The following POC1B variants were observed in gnomAD, a reference collection of about 807,000 sequenced individuals.
POC1B encodes the protein POC1 centriolar protein B, also known as POC1 centriolar protein homolog B.
A neutral mutation model predicts 60.6 loss-of-function variants in POC1B; 44 were observed. The ratio of observed to expected loss-of-function variants is 0.73; its 90% CI spans 0.57 to 0.93. The LOEUF (loss-of-function observed/expected upper bound fraction) is 0.93, where lower values mean the gene tolerates loss of function less well. POC1B is among the 40% of genes least tolerant of loss of function. The pLI, the probability that POC1B is intolerant of heterozygous loss-of-function variation, is 0.00. For missense variants in POC1B, 555 were observed against 572.3 expected, an observed-to-expected ratio of 0.97 and a Z score of 0.31; for synonymous variants, 180 against 198.9, an observed-to-expected ratio of 0.90 and a Z score of 0.80.
intron 10 of POC1B, among the ~76,000 whole-genome samples, chr12:89,437,319 C>T (rs1362797554): frequency 6.6e-6 from 1 of 152,122 alleles, no homozygotes; most frequent in Non-Finnish European, 1.5e-5. Context: ...AATCCAAATA[C>T]CTCCAAAAAC....
rs566609202 is a variant in POC1B at position 89,506,798 on chromosome 12, G to T, written c.101-9456C>A. Reference sequence around the variant, plus strand: ...TGGGCCCAAGAGAGAGGAGGTTCCAGCGGGGCTTCCTGGGTCGAGTAGGGG... The same window carrying T: ...TGGGCCCAAGAGAGAGGAGGTTCCATCGGGGCTTCCTGGGTCGAGTAGGGG... On this transcript the variant is annotated intron_variant, in intron 2 of 11. Transcript: ENST00000313546. Among the ~76,000 whole-genome samples, 6 of 152,282 alleles carry T rather than the reference G, an allele frequency of 3.9e-5. No homozygotes were observed. The South Asian group carries it at 1.2e-3, about 32-fold the overall frequency.
intron 10 of POC1B, among the ~76,000 whole-genome samples, chr12:89,457,179 A>G (rs1009543669): frequency 6.6e-6 from 1 of 152,192 alleles, no homozygotes; most frequent in South Asian, 2.1e-4. Context: ...ATTGAATGCA[A>G]TTGTGCTTCA....
the POC1B span, among the ~76,000 whole-genome samples, chr12:89,404,793 C>G: frequency 6.6e-6 from 1 of 152,166 alleles, no homozygotes; most frequent in Non-Finnish European, 1.5e-5. Context: ...GTCCCTAATC[C>G]AGGAACCCAC....
chr12:89,524,854 C>G, intron 2 of POC1B: 1 of 623,372 alleles, frequency 1.6e-6, no homozygotes, highest in Non-Finnish European at 2.8e-6. Flanking sequence ...TTCCCACTCA[C>G]TCCTCCTGGT....
At chr12:89,408,050 T>G in the POC1B span, among the ~76,000 whole-genome samples, 210 of 152,288 alleles carry the variant, frequency 1.4e-3, no homozygotes, top group African/African-American at 4.8e-3. Context: ...AGTGAGAACA[T>G]GCGGTGTTTG....
Position 89,497,212 on chromosome 12 carries a change from A to G in POC1B, c.231T>C (p.Ser77=), listed in dbSNP as rs1345385533. 1 of 1,613,894 alleles carries G rather than the reference A, an allele frequency of 6.2e-7. No homozygotes were observed. The highest frequency in any genetic ancestry group is 1.3e-5 in the African/African-American group (1 of 74,938). ...QFSPHGNLLA[S]ASRDRTVRLW... ...GTCTCACGGTTCTGTCTCGTGAGGC[A>G]GACGCCAATAAGTTTCCATGTGGAG... Residue 77 remains serine (S), a synonymous_variant, in exon 3 of 12, where the codon TCT becomes TCC. Transcript: ENST00000313546.
At chr12:89,408,337 G>A in the POC1B span, among the ~76,000 whole-genome samples, 1 of 152,168 alleles carries the variant, frequency 6.6e-6, no homozygotes, top group East Asian at 1.9e-4. Context: ...TGGGATGGCT[G>A]GGCCAAATGG....
intron 7 of POC1B, among the ~76,000 whole-genome samples, chr12:89,468,397 G>A (rs1882764428): frequency 6.6e-6 from 1 of 152,094 alleles, no homozygotes; most frequent in South Asian, 2.1e-4. Flanking sequence ...ATAAGAGTAA[G>A]TATTTCTTAT....
the POC1B span, among the ~76,000 whole-genome samples, chr12:89,414,371 C>A: frequency 6.6e-6 from 1 of 152,120 alleles, no homozygotes; most frequent in Admixed American, 6.5e-5. Context: ...ACTAATGTAC[C>A]TTGCAAAGAA....
At chr12:89,450,872 G>C (rs1297569196) in intron 10 of POC1B, among the ~76,000 whole-genome samples, 3 of 152,130 alleles carry the variant, frequency 2.0e-5, no homozygotes, top group Non-Finnish European at 2.9e-5. Context: ...GGGTTCAGCA[G>C]AAAAACAAAG....
intron 4 of POC1B, among the ~76,000 whole-genome samples, chr12:89,473,666 GAAAAAAA>G (rs1163868772): frequency 3.7e-5 from 4 of 109,182 alleles, no homozygotes; most frequent in African/African-American, 1.1e-4. Flanking sequence ...CCTCAGAAAA[GAAAAAAA>G]AAAAAAAAAA....
chr12:89,455,918 A>T (rs1167941625), intron 10 of POC1B, among the ~76,000 whole-genome samples: 2 of 152,168 alleles, frequency 1.3e-5, no homozygotes, highest in East Asian at 3.8e-4. Flanking sequence ...AATACATCAG[A>T]ATTTAAGAAT....
chr12:89,505,557 T>C (rs945388305), intron 2 of POC1B, among the ~76,000 whole-genome samples: 2 of 152,218 alleles, frequency 1.3e-5, no homozygotes, highest in Non-Finnish European at 2.9e-5. Flanking sequence ...ATTATGTGGA[T>C]GGCAGGGAGG....
chr12:89,405,167 GAACT>G, the POC1B span, among the ~76,000 whole-genome samples: 9 of 152,128 alleles, frequency 5.9e-5, no homozygotes, highest in Non-Finnish European at 1.2e-4. Context: ...TGTAAAAAAT[GAACT>G]AACATGGTTA....
At chr12:89,500,694 T>C (rs999049756) in intron 2 of POC1B, 1 of 1,452,724 alleles carries the variant, frequency 6.9e-7, no homozygotes, top group African/African-American at 1.4e-5. Context: ...GAGGTTTCAC[T>C]TAAAACCAAA....
At chr12:89,459,299 T>C (rs1379472311) in intron 10 of POC1B, among the ~76,000 whole-genome samples, 4 of 150,376 alleles carry the variant, frequency 2.7e-5, no homozygotes, top group African/African-American at 9.8e-5. Context: ...TTAGGAGATA[T>C]ACCTAATGTT....
At chr12:89,446,213 A>G (rs1289035134) in intron 10 of POC1B, among the ~76,000 whole-genome samples, 1 of 152,210 alleles carries the variant, frequency 6.6e-6, no homozygotes, top group Non-Finnish European at 1.5e-5. Flanking sequence ...TCAAGGATCT[A>G]GAACTAGAAA....
intron 2 of POC1B, chr12:89,521,995 T>C (rs373043632): frequency 5.3e-5 from 21 of 399,008 alleles, no homozygotes; most frequent in African/African-American, 4.1e-4. Context: ...CATAGTATTC[T>C]GGATGAGTCC....
intron 4 of POC1B, among the ~76,000 whole-genome samples, chr12:89,475,297 A>T (rs899101738): frequency 1.3e-5 from 2 of 152,116 alleles, no homozygotes; most frequent in African/African-American, 4.8e-5. Context: ...AAATGAAGGG[A>T]TGTGAACCTC....
Sources: allele counts gnomAD v4.1 joint callset (sites outside exome capture counted in the v4.1 genomes callset), GRCh38; gene constraint gnomAD v4.1.1; transcripts MANE v1.5; gene names NCBI Gene and HGNC (gene_info 2026-07-23, HGNC 2026-07-21).